PDE3A: variants seen among roughly 807,000 people sequenced by gnomAD.
The protein encoded by PDE3A is cGMP-inhibited 3',5'-cyclic phosphodiesterase 3A.
PDE3A carries 43 observed loss-of-function variants against 98.3 expected under a neutral mutation model. The ratio of observed to expected loss-of-function variants is 0.44; its 90% CI spans 0.34 to 0.56. PDE3A has a LOEUF of 0.56. PDE3A is among the 20% of genes least tolerant of loss of function. PDE3A has a pLI of 0.01. For synonymous variants in PDE3A, 663 were observed against 567.9 expected (o/e 1.17, Z -2.38); for missense variants, 1,427 against 1,440.7 (o/e 0.99, Z 0.15).
At chr12:20,556,951 G>T (rs990718952) in intron 2 of PDE3A, 9 of 506,280 alleles carry the variant, frequency 1.8e-5, no homozygotes, top group Non-Finnish European at 3.5e-6. Context: ...TATGAATATA[G>T]ATTTTATATT....
At chr12:20,584,220 A>T (rs552950801) in intron 2 of PDE3A, among the ~76,000 whole-genome samples, 15 of 152,348 alleles carry the variant, frequency 9.8e-5, no homozygotes, top group African/African-American at 3.6e-4. Context: ...CTGAAATATT[A>T]GTTCATTAGA....
intron 1 of PDE3A, among the ~76,000 whole-genome samples, chr12:20,476,428 C>T (rs1251972587): frequency 2.0e-5 from 3 of 152,286 alleles, no homozygotes; most frequent in Admixed American, 2.0e-4. Flanking sequence ...GTCAACTCTT[C>T]TGTGAATGGC....
chr12:20,471,089 C>G (rs975670929), intron 1 of PDE3A, among the ~76,000 whole-genome samples: 10 of 148,712 alleles, frequency 6.7e-5, no homozygotes, highest in African/African-American at 2.6e-4. Context: ...TGTTTTAAGC[C>G]ACCCAGTCTA....
intron 1 of PDE3A, among the ~76,000 whole-genome samples, chr12:20,542,436 TACACACACACAC>T (rs57427303): frequency 1.9e-4 from 28 of 149,826 alleles, no homozygotes; most frequent in African/African-American, 5.9e-4. Context: ...CGTAACAGCA[TACACACACACAC>T]ACACACACAC....
intron 1 of PDE3A, among the ~76,000 whole-genome samples, chr12:20,447,050 T>G (rs1944968854): frequency 6.6e-6 from 1 of 152,124 alleles, no homozygotes; most frequent in Admixed American, 6.5e-5. Flanking sequence ...AGTGTGGATT[T>G]TATTCTGATA....
At chr12:20,506,264 T>C (rs1946116702) in intron 1 of PDE3A, among the ~76,000 whole-genome samples, 1 of 152,042 alleles carries the variant, frequency 6.6e-6, no homozygotes, top group Non-Finnish European at 1.5e-5. Context: ...ACACTTCAGA[T>C]TGTTTCCTTG....
intron 1 of PDE3A, among the ~76,000 whole-genome samples, chr12:20,414,718 T>C (rs1466029038): frequency 6.6e-6 from 1 of 152,196 alleles, no homozygotes; most frequent in Non-Finnish European, 1.5e-5. Flanking sequence ...ATCAATTCTT[T>C]AAAGATAGAG....
chr12:20,677,692 C>G (rs1945676684), intron 15 of PDE3A, among the ~76,000 whole-genome samples: 1 of 152,240 alleles, frequency 6.6e-6, no homozygotes, highest in African/African-American at 2.4e-5. Flanking sequence ...ATCTCCAGAC[C>G]TCGTGATCTG....
intron 1 of PDE3A, among the ~76,000 whole-genome samples, chr12:20,444,148 G>A (rs867015442): frequency 5.9e-5 from 9 of 152,062 alleles, no homozygotes; most frequent in East Asian, 3.9e-4. Context: ...TTTCCCCTCC[G>A]TTGTGTAATC....
intron 1 of PDE3A, among the ~76,000 whole-genome samples, chr12:20,538,573 G>A (rs149657155): frequency 6.6e-6 from 1 of 152,234 alleles, no homozygotes; most frequent in Non-Finnish European, 1.5e-5. Context: ...CTGTGAATAA[G>A]GAAGAAGAAT....
chr12:20,654,010 C>G lies in PDE3A; in HGVS notation c.2989C>G (p.Leu997Val). Reference protein sequence around the residue: ...SPFMDRSAPQLANLQESFISH... With the variant: ...SPFMDRSAPQVANLQESFISH... ...CTTCATGGATCGTTCTGCTCCTCAGCTGGCCAACCTTCAGGAATCCTTCAT... is the reference window on the plus strand; with the variant it reads ...CTTCATGGATCGTTCTGCTCCTCAGGTGGCCAACCTTCAGGAATCCTTCAT... The change falls in exon 15 of 16, where the codon CTG becomes GTG. Residue 997 changes from leucine (L) to valine (V), a missense_variant. By Grantham distance (32) the Leu-to-Val change is conservative (BLOSUM62 1). Around this residue, in one of 3 missense-constraint regions of PDE3A, gnomAD observed 273 missense variants for 420.3 expected, o/e 0.65. Transcript: ENST00000359062. 6.2e-7 allele frequency: 1 copy of G among 1,614,098 alleles called. No homozygotes were observed. The highest frequency in any genetic ancestry group is 8.5e-7 in the Non-Finnish European group (1 of 1,179,966).
At chr12:20,534,925 C>A (rs1941712440) in intron 1 of PDE3A, among the ~76,000 whole-genome samples, 1 of 151,890 alleles carries the variant, frequency 6.6e-6, no homozygotes, top group African/African-American at 2.4e-5. Context: ...TTGAATTGAC[C>A]AGGTCTTTCT....
At position 20,637,779 on chromosome 12, in the gene PDE3A, G is replaced by T. The variant is rs191290867; in HGVS notation, c.2139+542G>T. ...TTTGAGTATTGTTTTCTTTAGGCTA[G>T]ACTACTCTCAAGGCTTTTCACATAA... On this transcript the variant is annotated intron_variant, in intron 9 of 15. Transcript: ENST00000359062. 1.9e-3 allele frequency among the ~76,000 whole-genome samples: 289 copies of T among 152,202 alleles called. 1 individual carries two copies. Among genetic ancestry groups the T allele is most frequent in the Middle Eastern group, 3.4e-3 (1 of 294 alleles).
intron 1 of PDE3A, among the ~76,000 whole-genome samples, chr12:20,483,031 G>C (rs1361471112): frequency 6.6e-6 from 1 of 151,962 alleles, no homozygotes; most frequent in African/African-American, 2.4e-5. Flanking sequence ...GCTTTTCCTA[G>C]ACATCCTTTT....
intron 1 of PDE3A, among the ~76,000 whole-genome samples, chr12:20,470,137 A>G (rs991011097): frequency 6.6e-6 from 1 of 151,960 alleles, no homozygotes; most frequent in African/African-American, 2.4e-5. Context: ...TCTCTTACAT[A>G]ACACTAATCA....
chr12:20,456,607 A>G (rs562360338), intron 1 of PDE3A, among the ~76,000 whole-genome samples: 1 of 152,236 alleles, frequency 6.6e-6, no homozygotes, highest in South Asian at 2.1e-4. Context: ...TACTCTAGCT[A>G]TATTAATGTG....
rs145238502 is a variant in PDE3A, at chr12:20,485,713, T to G, written c.961-70947T>G. On this transcript the variant is annotated intron_variant, in intron 1 of 15. Coordinates refer to ENST00000359062, the MANE Select transcript of PDE3A (RefSeq NM_000921.5). ...ACATGAAATCAATGTTCTTATAACC[T>G]TCTGACATTTACTTACCTTTTTGTA... 3.7e-3 allele frequency among the ~76,000 whole-genome samples: 559 copies of G among 152,376 alleles called. 5 individuals carry two copies. Among genetic ancestry groups the G allele is most frequent in the African/African-American group, 0.013 (524 of 41,582 alleles).
rs150466407 is a variant in PDE3A, at chr12:20,441,278, T to C, written c.960+71034T>C. Reference sequence around the variant, plus strand: ...TTCATGGAGTAGAGTAGTCATTGAGTAGGATCCTTCGTGGAGCAGATAGTC... The same window carrying C: ...TTCATGGAGTAGAGTAGTCATTGAGCAGGATCCTTCGTGGAGCAGATAGTC... On this transcript the variant is annotated intron_variant, in intron 1 of 15. Transcript: ENST00000359062. Among the ~76,000 whole-genome samples, 1,200 of 152,222 alleles carry C rather than the reference T, an allele frequency of 7.9e-3. 15 individuals carry two copies. Among genetic ancestry groups the C allele is most frequent in the African/African-American group, 0.027 (1,127 of 41,540 alleles).
At chr12:20,377,798 C>A (rs1943598539) in intron 1 of PDE3A, among the ~76,000 whole-genome samples, 1 of 151,496 alleles carries the variant, frequency 6.6e-6, no homozygotes, top group Non-Finnish European at 1.5e-5. Context: ...TTTATATTAA[C>A]CTGATTTATA....
Sources: gnomAD v4.1 joint callset for allele counts (sites outside exome capture counted in the v4.1 genomes callset) on GRCh38, gnomAD v4.1.1 for gene constraint, gnomAD v4.1.1 regional missense constraint, MANE v1.5 for transcripts, NCBI Gene and HGNC (gene_info 2026-07-23, HGNC 2026-07-21) for gene names.